GARNL3: variants seen among roughly 807,000 people sequenced by gnomAD.
The protein encoded by GARNL3 is GTPase-activating Rap/Ran-GAP domain-like protein 3.
In GARNL3, 63 loss-of-function variants were observed where a neutral mutation model predicts 125.0. The observed-to-expected ratio is 0.50, with a 90% CI of 0.41 to 0.62. GARNL3 has a LOEUF of 0.62. GARNL3 is among the 20% of genes least tolerant of loss of function. GARNL3 has a pLI of 0.00. For missense variants in GARNL3, 994 were observed against 1,244.0 expected (o/e 0.80, Z 3.02); for synonymous variants, 439 against 457.5 (o/e 0.96, Z 0.52).
chr9:127,373,502 C>T (rs1183107170), intron 22 of GARNL3, among the ~76,000 whole-genome samples: 2 of 152,166 alleles, frequency 1.3e-5, no homozygotes, highest in African/African-American at 2.4e-5. Flanking sequence ...CGATGGCTCA[C>T]GCCTGTTTTC....
chr9:127,374,939 CTT>C (rs913248630), intron 22 of GARNL3, among the ~76,000 whole-genome samples: 4 of 148,830 alleles, frequency 2.7e-5, no homozygotes, highest in African/African-American at 9.9e-5. Flanking sequence ...CAAAGAAAAA[CTT>C]TTTTAAAAAA....
At chr9:127,259,441 G>A (rs1009002017), upstream of GARNL3, among the ~76,000 whole-genome samples, 6 of 152,086 alleles carry the variant, frequency 3.9e-5, no homozygotes. Context: ...GCCTTGTTCA[G>A]GTCACTTTCT....
chr9:127,252,249 A>G (rs945240979), intron 2 of GARNL3, among the ~76,000 whole-genome samples: 20 of 152,202 alleles, frequency 1.3e-4, no homozygotes, highest in Non-Finnish European at 2.8e-4. Flanking sequence ...GGAAAGAACT[A>G]AGAGGGTAGA....
intron 1 of GARNL3, chr9:127,225,319 C>T (rs996032846): frequency 1.3e-4 from 131 of 983,532 alleles, no homozygotes; most frequent in Non-Finnish European, 1.5e-4. Flanking sequence ...GCGATGGAAC[C>T]GGAGCCCGGC....
chr9:127,248,832 A>G (rs2131197636), intron 2 of GARNL3, among the ~76,000 whole-genome samples: 1 of 149,454 alleles, frequency 6.7e-6, no homozygotes, highest in South Asian at 2.1e-4. Flanking sequence ...CTGGTCTTGA[A>G]CTCCTGAACT....
In GARNL3 at chr9:127,384,308, G is replaced by A. The variant is rs965100697; in HGVS notation, c.2270-719G>A. On this transcript the variant is annotated intron_variant, in intron 23 of 27. Transcript: ENST00000373387. This position sits in a 1 kb window ranked among gnomAD's most constrained non-coding sequence, Gnocchi z 4.0. Reference sequence around the variant, plus strand: ...GTAGGCACAGTCACCAGGAAAGCCAGGAGAGCAGATGCGCTCATCCATGGA... The same window carrying A: ...GTAGGCACAGTCACCAGGAAAGCCAAGAGAGCAGATGCGCTCATCCATGGA... 5.3e-5 allele frequency among the ~76,000 whole-genome samples: 8 copies of A among 152,168 alleles called. No individual in the cohort carries two copies. The highest frequency in any genetic ancestry group is 1.9e-4 in the African/African-American group (8 of 41,420).
intron 17 of GARNL3, 85 bp downstream of exon 17, chr9:127,349,120 T>A (rs909608417): frequency 2.2e-6 from 2 of 910,122 alleles, no homozygotes; most frequent in Non-Finnish European, 3.6e-6. Context: ...CAACTCCCTT[T>A]GGGCCATAAA....
intron 4 of GARNL3, among the ~76,000 whole-genome samples, chr9:127,314,958 G>T (rs1266148293): frequency 1.3e-5 from 2 of 152,150 alleles, no homozygotes; most frequent in African/African-American, 4.8e-5. Context: ...CCAGGTAGAA[G>T]GAGCAACAAA....
At chr9:127,230,816 G>A (rs1228044718) in intron 1 of GARNL3, among the ~76,000 whole-genome samples, 1 of 151,492 alleles carries the variant, frequency 6.6e-6, no homozygotes, top group East Asian at 1.9e-4. Context: ...TGCAGATTTA[G>A]GAAGAGAGGA....
At chr9:127,246,871 T>TAGGAA (rs999344619) in intron 2 of GARNL3, among the ~76,000 whole-genome samples, 1 of 151,246 alleles carries the variant, frequency 6.6e-6, no homozygotes, top group Admixed American at 6.6e-5. Flanking sequence ...AGGAGGCATT[T>TAGGAA]AGGAAAGTCT....
At chr9:127,284,179 A>G (rs1323832324) in intron 1 of GARNL3, among the ~76,000 whole-genome samples, 6 of 152,150 alleles carry the variant, frequency 3.9e-5, no homozygotes, top group African/African-American at 1.4e-4. Context: ...TGTTGTGACA[A>G]GATCTTCAGT....
In GARNL3 at chr9:127,299,631, C is replaced by T. The variant is rs181483898; in HGVS notation, c.219+8389C>T. On this transcript the variant is annotated intron_variant, in intron 2 of 27. Coordinates refer to ENST00000373387, the MANE Select transcript of GARNL3 (RefSeq NM_032293.5). ...TGTCACCCAGGCTGGAGTGCAATGG[C>T]GTGATCTCAGCTCACTGCAAGCTCC... is the stretch of plus-strand genomic sequence containing the variant. 3.3e-3 allele frequency among the ~76,000 whole-genome samples: 507 copies of T among 152,012 alleles called. 2 individuals are homozygous for T. The highest frequency in any genetic ancestry group is 7.3e-3 in the South Asian group (35 of 4,806).
At chr9:127,375,691 GATTCCTGTCTACCAAACAGA>G (rs1263581784) in intron 22 of GARNL3, among the ~76,000 whole-genome samples, 1 of 152,146 alleles carries the variant, frequency 6.6e-6, no homozygotes, top group Non-Finnish European at 1.5e-5. Flanking sequence ...TGGACTTAGT[GATTCCTGTCTACCAAACAGA>G]ATATCGTAGA....
At position 127,272,489 on chromosome 9, in the gene GARNL3, CT is replaced by C. The variant is rs71493519; in HGVS notation, c.144+7480del. On this transcript the variant is annotated intron_variant, in intron 1 of 27. Coordinates refer to ENST00000373387, the MANE Select transcript of GARNL3 (RefSeq NM_032293.5). ...CTGTGTCTCACATAGCAGGCCAACT[CT>C]TTTTTTTTTTTGAGGAGGAGGAGTC... 2.0e-4 allele frequency among the ~76,000 whole-genome samples: 25 copies of C among 124,050 alleles called. 1 individual carries two copies. The highest frequency in any genetic ancestry group is 4.2e-4 in the East Asian group (2 of 4,782). 81.4% of individuals were successfully genotyped at this position (124,050 alleles called of 152,430 possible).
chr9:127,365,224 T>C, intron 21 of GARNL3, 76 bp from the exon 22 acceptor site: 10 of 1,283,206 alleles, frequency 7.8e-6, no homozygotes, highest in South Asian at 1.2e-5. Flanking sequence ...CCTCCACAAA[T>C]GCTCACAACT....
rs776204895 is a variant in GARNL3 at position 127,313,537 on chromosome 9, G to A, written c.416G>A (p.Arg139His). ...DQNNQRVPQYRAILWRKTGTQ... is the reference protein window; with the variant it reads ...DQNNQRVPQYHAILWRKTGTQ... ...AACAATCAACGTGTCCCTCAATACC[G>A]TGCAATTCTTTGGAGAAAAACAGTA... The change falls in exon 4 of 28, where the codon CGT (arginine) becomes CAT (histidine). Residue 139 changes from arginine to histidine, a missense_variant. Arg to His is a conservative substitution (Grantham distance 29). Transcript: ENST00000373387. The A allele has an allele frequency of 4.5e-5, 73 of 1,613,050 alleles. No homozygotes were observed. Among genetic ancestry groups the A allele is most frequent in the Admixed American group, 2.3e-4 (14 of 59,994 alleles).
At chr9:127,284,256 T>C (rs2064182412) in intron 1 of GARNL3, among the ~76,000 whole-genome samples, 2 of 152,234 alleles carry the variant, frequency 1.3e-5, no homozygotes, top group Admixed American at 6.5e-5. Context: ...TATGTTTTCC[T>C]AGAAAATTTG....
chr9:127,338,436 C>T (rs1829673223), intron 12 of GARNL3, among the ~76,000 whole-genome samples: 1 of 152,192 alleles, frequency 6.6e-6, no homozygotes, highest in Admixed American at 6.5e-5. Context: ...TTCATCCTTT[C>T]CTAGTCTACA....
At chr9:127,317,135 G>A (rs2065262464) in intron 4 of GARNL3, among the ~76,000 whole-genome samples, 1 of 152,162 alleles carries the variant, frequency 6.6e-6, no homozygotes, top group Non-Finnish European at 1.5e-5. Flanking sequence ...GTTCCTGGGT[G>A]GTGTGGACGG....
Sources: gnomAD v4.1 joint callset for allele counts (sites outside exome capture counted in the v4.1 genomes callset) on GRCh38, gnomAD v4.1.1 for gene constraint, Gnocchi (gnomAD v3.1) non-coding constraint, MANE v1.5 for transcripts, NCBI Gene and HGNC (gene_info 2026-07-23, HGNC 2026-07-21) for gene names.